The following YIPF7 variants were observed in gnomAD, a reference collection of about 807,000 sequenced individuals.
YIPF7 encodes the protein Yip1 domain family member 7.
YIPF7 carries 35 observed loss-of-function variants against 27.2 expected under a neutral mutation model. The ratio of observed to expected loss-of-function variants is 1.29; its 90% CI spans 0.98 to 1.70. The LOEUF is 1.70. Ranked by LOEUF, YIPF7 falls within the 40% of genes most tolerant of loss-of-function variation. The pLI is 0.00. For missense variants in YIPF7, 358 were observed against 303.7 expected, an observed-to-expected ratio of 1.18 and a Z score of -1.33; for synonymous variants, 137 against 110.4, an observed-to-expected ratio of 1.24 and a Z score of -1.51.
intron 2 of YIPF7, among the ~76,000 whole-genome samples, chr4:44,642,081 T>C (rs1560327590): frequency 6.6e-6 from 1 of 152,186 alleles, no homozygotes; most frequent in Non-Finnish European, 1.5e-5. Context: ...ATTGCCATAC[T>C]TGTCTGGCCT....
chr4:44,636,405 T>C (rs1350193725), intron 2 of YIPF7, among the ~76,000 whole-genome samples: 1 of 152,096 alleles, frequency 6.6e-6, no homozygotes, highest in Admixed American at 6.5e-5. Flanking sequence ...GAAAAAGACA[T>C]AGAATTTCAC....
rs564271517 is a variant in YIPF7, at chr4:44,625,159, G to C, written c.427-377C>G. Among the ~76,000 whole-genome samples, 5 of 152,242 alleles carry C rather than the reference G, an allele frequency of 3.3e-5. No individual in the cohort carries two copies. In the South Asian group the frequency reaches 1.0e-3, roughly 32 times the overall value. ...GAATAAAAAATCCAATTTTAGTCTT[G>C]GAGATTTACAAGGCATATTAGTAAA... On this transcript the variant is annotated intron_variant, in intron 4 of 5. Transcript: ENST00000415895.
At chr4:44,624,109 A>G (rs1411135627) in intron 5 of YIPF7, among the ~76,000 whole-genome samples, 1 of 141,916 alleles carries the variant, frequency 7.0e-6, no homozygotes, top group African/African-American at 2.7e-5. Context: ...CTTGTTGCCC[A>G]GGCTGGAGTG....
chr4:44,622,460 G>A lies in YIPF7; in HGVS notation c.725C>T (p.Pro242Leu). The stretch of plus-strand genomic sequence containing the variant: ...AAAAAGTCCATAAAGTATGGCACAA[G>A]GGTAGGCAACAAGAAGCTGCTGTCC... Reference protein sequence around the residue: ...MEGQQLLVAYPCAILYGLFAL... With the variant: ...MEGQQLLVAYLCAILYGLFAL... The change falls in exon 6 of 6, where the codon CCT becomes CTT. Residue 242 changes from proline (P) to leucine (L), a missense_variant. Transcript: ENST00000415895. 2 of 1,613,820 alleles carry A rather than the reference G, an allele frequency of 1.2e-6. No individual in the cohort carries two copies. The highest frequency in any genetic ancestry group is 1.7e-6 in the Non-Finnish European group (2 of 1,179,816).
intron 4 of YIPF7, among the ~76,000 whole-genome samples, chr4:44,627,068 C>T (rs1276137605): frequency 6.6e-6 from 1 of 151,992 alleles, no homozygotes; most frequent in Non-Finnish European, 1.5e-5. Context: ...AGGCATGAGC[C>T]ACCGCACCAG....
intron 3 of YIPF7, among the ~76,000 whole-genome samples, chr4:44,634,761 T>C (rs756185260): frequency 1.3e-5 from 2 of 152,150 alleles, no homozygotes; most frequent in African/African-American, 4.8e-5. Context: ...ATTGAAGTAA[T>C]TTTTATATTT....
intron 2 of YIPF7, 27 bp downstream of exon 2, chr4:44,649,958 A>C: frequency 1.5e-6 from 2 of 1,306,048 alleles, no homozygotes; most frequent in Non-Finnish European, 2.1e-6. Flanking sequence ...TGTCAAAAAA[A>C]AAAAAAGAAA....
intron 2 of YIPF7, 26 bp downstream of exon 2, chr4:44,649,959 A>G (rs991941984): frequency 2.2e-5 from 29 of 1,314,224 alleles, no homozygotes; most frequent in African/African-American, 3.0e-5. Context: ...GTCAAAAAAA[A>G]AAAAAGAAAA....
At chr4:44,634,969 T>C (rs1306947382) in intron 3 of YIPF7, among the ~76,000 whole-genome samples, 1 of 152,216 alleles carries the variant, frequency 6.6e-6, no homozygotes, top group Non-Finnish European at 1.5e-5. Context: ...AGATCGATTA[T>C]ATAAATCTCT....
chr4:44,647,818 CA>C (rs1184445732), intron 2 of YIPF7, among the ~76,000 whole-genome samples: 1 of 152,050 alleles, frequency 6.6e-6, no homozygotes, highest in African/African-American at 2.4e-5. Context: ...AGAGTAGGAA[CA>C]GAAGACTCCC....
intron 5 of YIPF7, among the ~76,000 whole-genome samples, 159 bp from the exon 6 acceptor site, chr4:44,622,735 A>G (rs188754675): frequency 1.3e-5 from 2 of 152,360 alleles, no homozygotes; most frequent in East Asian, 3.9e-4. Context: ...TTGGCCAGTT[A>G]GGCATTTTTT....
chr4:44,647,399 C>T (rs1453989337), intron 2 of YIPF7, among the ~76,000 whole-genome samples: 1 of 152,050 alleles, frequency 6.6e-6, no homozygotes, highest in Admixed American at 6.6e-5. Context: ...ACCCAAATAC[C>T]AATCTTATCT....
upstream of YIPF7, among the ~76,000 whole-genome samples, chr4:44,652,182 C>T (rs553221583): frequency 1.3e-5 from 2 of 152,244 alleles, no homozygotes; most frequent in South Asian, 2.1e-4. Flanking sequence ...AGGTTCTATA[C>T]CATTATCGAG....
chr4:44,653,366 T>C (rs1299347978), upstream of YIPF7, among the ~76,000 whole-genome samples: 1 of 152,028 alleles, frequency 6.6e-6, no homozygotes, highest in Non-Finnish European at 1.5e-5. Flanking sequence ...AGAGGGAGAC[T>C]GGTTAGGAAG....
At chr4:44,624,858 G>A in intron 4 of YIPF7, 76 bp from the exon 5 acceptor site, 7 of 1,341,720 alleles carry the variant, frequency 5.2e-6, no homozygotes, top group Admixed American at 2.3e-5. Context: ...ATGAAGCAGA[G>A]AGCATCTTAG....
intron 2 of YIPF7, among the ~76,000 whole-genome samples, chr4:44,657,038 T>G (rs1713920437): frequency 1.3e-5 from 2 of 152,154 alleles, no homozygotes; most frequent in Non-Finnish European, 2.9e-5. Context: ...ACATTGCTAT[T>G]TCATGGCCTA....
In YIPF7 at chr4:44,622,452, T is replaced by C. The variant is rs923972388; in HGVS notation, c.733A>G (p.Ile245Val). The change falls in exon 6 of 6, where the codon ATA becomes GTA. Residue 245 changes from isoleucine (I) to valine (V), a missense_variant. Physicochemically the swap from Ile to Val is conservative, Grantham distance 29. Transcript: ENST00000415895. ...AGGAGGGCAAAAAGTCCATAAAGTA[T>C]GGCACAAGGGTAGGCAACAAGAAGC... ...QQLLVAYPCA[I>V]LYGLFALLTI... is the part of the protein sequence containing the mutation. 6.2e-7 allele frequency: 1 copy of C among 1,613,758 alleles called. No individual in the cohort carries two copies. Among genetic ancestry groups the C allele is most frequent in the Non-Finnish European group, 8.5e-7 (1 of 1,179,770 alleles).
At chr4:44,660,429 G>A (rs1491318) in intron 2 of YIPF7, 82,744 of 151,750 alleles carry the variant, frequency 0.55, 23,524 homozygotes, top group Non-Finnish European at 0.64. Flanking sequence ...CTTTGAGTCC[G>A]ACTGCCATGT....
chr4:44,661,187 A>T (rs1714033868), intron 1 of YIPF7, among the ~76,000 whole-genome samples: 1 of 152,226 alleles, frequency 6.6e-6, no homozygotes, highest in South Asian at 2.1e-4. Context: ...GATAAAACTT[A>T]GGATGCCACC....
Sources: gnomAD v4.1 joint callset for allele counts (sites outside exome capture counted in the v4.1 genomes callset) on GRCh38, gnomAD v4.1.1 for gene constraint, MANE v1.5 for transcripts, NCBI Gene and HGNC (gene_info 2026-07-23, HGNC 2026-07-21) for gene names.